Variants in TIMP2 observed in about 807,000 individuals in gnomAD.
TIMP2 encodes the protein TIMP metallopeptidase inhibitor 2, also known as metalloproteinase inhibitor 2.
In TIMP2, 5 loss-of-function variants were observed where a neutral mutation model predicts 24.3. That is an observed-to-expected ratio of 0.21 (90% confidence interval 0.11 to 0.43). The LOEUF (loss-of-function observed/expected upper bound fraction) is 0.43, where lower values mean the gene tolerates loss of function less well. Ranked by LOEUF, TIMP2 falls within the 20% of genes least tolerant of loss-of-function variation. TIMP2 has a pLI of 1.00. For synonymous variants in TIMP2, 130 were observed against 123.2 expected (o/e 1.06, Z -0.37); for missense variants, 221 against 297.5 (o/e 0.74, Z 1.89).
chr17:78,865,121 T>C (rs1297486825), intron 3 of TIMP2, among the ~76,000 whole-genome samples: 2 of 152,108 alleles, frequency 1.3e-5, no homozygotes, highest in Non-Finnish European at 2.9e-5. Context: ...TTATGCTAAG[T>C]GCAATGCTTC....
At chr17:78,904,273 G>A (rs2070137209) in intron 1 of TIMP2, 5 of 152,152 alleles carry the variant, frequency 3.3e-5, no homozygotes, top group Admixed American at 3.3e-4. Context: ...TCATCTGTAA[G>A]CAACTCACTA....
At chr17:78,894,942 C>T (rs991981336) in intron 1 of TIMP2, among the ~76,000 whole-genome samples, 37 of 152,028 alleles carry the variant, frequency 2.4e-4, no homozygotes, top group Admixed American at 1.3e-3. Flanking sequence ...AACATATGAA[C>T]ACCTCTTACT....
chr17:78,872,491 T>C (rs796618329), intron 2 of TIMP2, among the ~76,000 whole-genome samples: 66 of 152,112 alleles, frequency 4.3e-4, no homozygotes, highest in Middle Eastern at 3.4e-3. Context: ...GCTGTTTTTT[T>C]CCCCCCGAAG....
At chr17:78,908,533 C>T (rs73397223) in intron 1 of TIMP2, among the ~76,000 whole-genome samples, 2,225 of 152,228 alleles carry the variant, frequency 0.015, 57 homozygotes, top group African/African-American at 0.051. Context: ...AATCTTCTTC[C>T]CAGAGACTCG....
At chr17:78,918,080 A>ACACACG (rs1355685191) in intron 1 of TIMP2, among the ~76,000 whole-genome samples, 6 of 150,732 alleles carry the variant, frequency 4.0e-5, no homozygotes, top group African/African-American at 9.8e-5. Context: ...ACACACACAC[A>ACACACG]CACACACACA....
chr17:78,865,830 C>T (rs931583481), intron 3 of TIMP2, among the ~76,000 whole-genome samples: 2 of 152,048 alleles, frequency 1.3e-5, no homozygotes, highest in East Asian at 1.9e-4. Context: ...TCAGCATGGG[C>T]GAGGATTCAG....
At position 78,854,921 on chromosome 17, in the gene TIMP2, C is replaced by CGGGGGGGGGGGGTGGGGGGG. The variant is rs2069511678; in HGVS notation, c.*745_*746insCCCCCCCACCCCCCCCCCCC. 2 of 39,090 alleles carry CGGGGGGGGGGGGTGGGGGGG rather than the reference C, an allele frequency of 5.1e-5. No homozygotes were observed. Among genetic ancestry groups the CGGGGGGGGGGGGTGGGGGGG allele is most frequent in the African/African-American group, 9.8e-5 (1 of 10,256 alleles). 2.4% of individuals were successfully genotyped at this position (39,090 alleles called of 1,614,324 possible). A position where few individuals can be genotyped will look rare whatever the true frequency, so the allele number is the denominator to read the frequency against. On this transcript the variant is annotated 3_prime_UTR_variant, in exon 5 of 5. Transcript: ENST00000262768. ...TCCTGCAAGCTGGGGAGCATGTGGGCGGGGGGGGGGGGGTGGGGGGGTGGG... is the reference window on the plus strand; with the variant it reads ...TCCTGCAAGCTGGGGAGCATGTGGGCGGGGGGGGGGGGTGGGGGGGGGGGGGGGGGGGGTGGGGGGGTGGG...
At chr17:78,873,971 G>C in intron 1 of TIMP2, 52 bp from the exon 2 acceptor site, 2 of 1,546,864 alleles carry the variant, frequency 1.3e-6, no homozygotes, top group Non-Finnish European at 1.8e-6. Flanking sequence ...CACGCTCCTG[G>C]GGCTAAGGAG....
rs1364756800 is a variant in TIMP2 at position 78,924,979 on chromosome 17, G to C, written c.110C>G (p.Ala37Gly). The change falls in exon 1 of 5, where the codon GCG (alanine) becomes GGG (glycine). Residue 37 changes from alanine to glycine, a missense_variant. Transcript: ENST00000262768. The surrounding 1 kb of genome is among the most constrained non-coding windows in gnomAD (Gnocchi z 5.3). ...CTTACCTACATCTGCATTGCAAAAC[G>C]CCTGTTGCGGGTGCACCGGGGAGCA... is the stretch of plus-strand genomic sequence containing the variant. ...CSCSPVHPQQ[A>G]FCNADVVIRA... is the part of the protein sequence containing the mutation. 1 of 1,304,260 alleles carries C rather than the reference G, an allele frequency of 7.7e-7. No individual in the cohort carries two copies. Among genetic ancestry groups the C allele is most frequent in the Non-Finnish European group, 9.8e-7 (1 of 1,016,656 alleles). 80.8% of individuals were successfully genotyped at this position (1,304,260 alleles called of 1,614,324 possible).
At chr17:78,894,054 G>C (rs1165199899) in intron 1 of TIMP2, among the ~76,000 whole-genome samples, 1 of 152,214 alleles carries the variant, frequency 6.6e-6, no homozygotes, top group African/African-American at 2.4e-5. Context: ...AGTTGCAGCT[G>C]AAGTCACATG....
intron 1 of TIMP2, among the ~76,000 whole-genome samples, chr17:78,879,478 A>T (rs987364902): frequency 6.6e-6 from 1 of 152,098 alleles, no homozygotes; most frequent in Admixed American, 6.5e-5. Flanking sequence ...CTGAACACCT[A>T]CTGGGTGCTG....
At chr17:78,871,979 A>C (rs1043526001) in intron 2 of TIMP2, among the ~76,000 whole-genome samples, 1 of 151,868 alleles carries the variant, frequency 6.6e-6, no homozygotes, top group Non-Finnish European at 1.5e-5. Context: ...ACTCTGGACC[A>C]CCATGAAGGA....
intron 3 of TIMP2, among the ~76,000 whole-genome samples, chr17:78,866,044 C>G (rs1209255786): frequency 1.3e-5 from 2 of 152,180 alleles, no homozygotes; most frequent in African/African-American, 4.8e-5. Context: ...AAGTTCCCTG[C>G]ACCACGGGGG....
rs1473426016 is a variant in TIMP2, at chr17:78,907,654, G to GA, written c.130+17304dup. Among the ~76,000 whole-genome samples, 5 of 152,164 alleles carry GA rather than the reference G, an allele frequency of 3.3e-5. No homozygotes were observed. The East Asian group carries it at 7.7e-4, about 23-fold the overall frequency. ...CACATGAAGTGAACACGTGATGTGA[G>GA]AAAAAAATGGCACCGATAGACTCAG... On this transcript the variant is annotated intron_variant, in intron 1 of 4. Transcript: ENST00000262768.
At position 78,896,915 on chromosome 17, in the gene TIMP2, C is replaced by A; in HGVS notation, c.131-22996G>T. 1.0e-6 allele frequency: 1 copy of A among 985,326 alleles called. No homozygotes were observed. The highest frequency in any genetic ancestry group is 1.2e-6 in the Non-Finnish European group (1 of 829,870). The allele number at this position is 985,326 out of a possible 1,614,324, so 61.0% of individuals were successfully genotyped here. A position where few individuals can be genotyped will look rare whatever the true frequency, so the allele number is the denominator to read the frequency against. ...CACCTGGGCCCAGGAATGTGCTTGG[C>A]CACCAGATTCCCAGCGATTCTCACC... On this transcript the variant is annotated intron_variant, in intron 1 of 4. Transcript: ENST00000262768. The surrounding 1 kb of genome is among the most constrained non-coding windows in gnomAD (Gnocchi z 4.4).
chr17:78,868,442 G>A (rs2069638133), intron 3 of TIMP2, among the ~76,000 whole-genome samples: 2 of 152,172 alleles, frequency 1.3e-5, no homozygotes, highest in East Asian at 3.9e-4. Flanking sequence ...GTACAGACAG[G>A]GTTTTACCAT....
intron 1 of TIMP2, among the ~76,000 whole-genome samples, chr17:78,910,131 G>C (rs377005187): frequency 4.6e-4 from 70 of 152,134 alleles, no homozygotes; most frequent in African/African-American, 1.6e-3. Context: ...CTTTGTGGTA[G>C]GAACATTCAA....
intron 1 of TIMP2, among the ~76,000 whole-genome samples, chr17:78,876,851 C>CA (rs2069732510): frequency 6.6e-6 from 1 of 152,132 alleles, no homozygotes; most frequent in Admixed American, 6.6e-5. Context: ...TCTTCCGCCC[C>CA]AAATGCCATC....
intron 1 of TIMP2, among the ~76,000 whole-genome samples, chr17:78,878,529 C>G (rs1326442285): frequency 6.6e-6 from 1 of 152,238 alleles, no homozygotes; most frequent in African/African-American, 2.4e-5. Context: ...CGGTCCTGGT[C>G]AGCAGGCCAC....
Sources: allele counts gnomAD v4.1 joint callset (sites outside exome capture counted in the v4.1 genomes callset), GRCh38; gene constraint gnomAD v4.1.1; non-coding constraint Gnocchi (gnomAD v3.1); transcripts MANE v1.5; gene names NCBI Gene and HGNC (gene_info 2026-07-23, HGNC 2026-07-21).